ADSS2: variants seen among roughly 807,000 people sequenced by gnomAD.
The protein encoded by ADSS2 is adenylosuccinate synthetase isozyme 2.
A neutral mutation model predicts 60.0 loss-of-function variants in ADSS2; 30 were observed. The ratio of observed to expected loss-of-function variants is 0.50; its 90% confidence interval spans 0.37 to 0.68. The LOEUF is 0.68. Among genes scored for constraint, ADSS2 ranks in the 30% least tolerant of loss-of-function variants. The pLI is 0.00. For missense variants in ADSS2, 373 were observed against 554.8 expected (o/e 0.67, Z 3.29); for synonymous variants, 187 against 193.1 (o/e 0.97, Z 0.26).
At chr1:244,422,392 T>C (rs1664698580) in intron 7 of ADSS2, among the ~76,000 whole-genome samples, 2 of 152,234 alleles carry the variant, frequency 1.3e-5, no homozygotes. Context: ...ATTTGTCTCT[T>C]AAGAGTGCAG....
At chr1:244,425,343 T>G (rs1042418197) in intron 4 of ADSS2, among the ~76,000 whole-genome samples, 9 of 152,200 alleles carry the variant, frequency 5.9e-5, no homozygotes, top group Non-Finnish European at 1.0e-4. Context: ...GATGTACAAT[T>G]TACTGATTTT....
chr1:244,450,214 G>A (rs1665503340), intron 1 of ADSS2, among the ~76,000 whole-genome samples: 1 of 152,224 alleles, frequency 6.6e-6, no homozygotes, highest in African/African-American at 2.4e-5. Flanking sequence ...GATTTCTGGA[G>A]TATTTCCTAA....
chr1:244,425,492 A>G (rs530607763), intron 4 of ADSS2, among the ~76,000 whole-genome samples: 68 of 152,342 alleles, frequency 4.5e-4, no homozygotes, highest in African/African-American at 1.5e-3. Flanking sequence ...AGAACTATTT[A>G]GAACTATTAG....
chr1:244,414,566 C>T (rs1664488087), intron 11 of ADSS2, among the ~76,000 whole-genome samples: 1 of 152,222 alleles, frequency 6.6e-6, no homozygotes, highest in African/African-American at 2.4e-5. Flanking sequence ...ACTTTTGCTT[C>T]TACTTTCCTG....
At chr1:244,435,168 C>CAAAAAAAAAAAAAAAAAAAA (rs60576167) in intron 3 of ADSS2, among the ~76,000 whole-genome samples, 12 of 51,750 alleles carry the variant, frequency 2.3e-4, no homozygotes, top group African/African-American at 9.2e-4. Context: ...ACTCCGTCTC[C>CAAAAAAAAAAAAAAAAAAAA]AAAAAAAAAA....
chr1:244,427,878 T>C (rs1034345402), intron 4 of ADSS2, among the ~76,000 whole-genome samples: 1 of 152,176 alleles, frequency 6.6e-6, no homozygotes, highest in Non-Finnish European at 1.5e-5. Flanking sequence ...CTATGGTTGT[T>C]AATACCAAAG....
chr1:244,432,530 A>G lies in ADSS2; in HGVS notation c.406+15T>C. On this transcript the variant is annotated intron_variant, in intron 4 of 12. Coordinates refer to ENST00000366535, the MANE Select transcript of ADSS2 (RefSeq NM_001126.5). The stretch of plus-strand genomic sequence containing the variant: ...AAAAAGATAGTTACAAATAAATGCA[A>G]TATATCCACCTTACCAATATGAGCT... 6.6e-7 allele frequency: 1 copy of G among 1,525,386 alleles called. No homozygotes were observed. The highest frequency in any genetic ancestry group is 8.9e-7 in the Non-Finnish European group (1 of 1,126,268). The allele number at this position is 1,525,386 out of a possible 1,614,324, so 94.5% of individuals were successfully genotyped here.
At chr1:244,419,177 G>A (rs138103721) in intron 8 of ADSS2, 71 of 295,498 alleles carry the variant, frequency 2.4e-4, no homozygotes, top group African/African-American at 1.5e-3. Flanking sequence ...GCTCTTTATA[G>A]CAGCTACTCA....
At chr1:244,444,000 C>T (rs1665317733) in intron 1 of ADSS2, among the ~76,000 whole-genome samples, 2 of 152,134 alleles carry the variant, frequency 1.3e-5, no homozygotes, top group Non-Finnish European at 2.9e-5. Context: ...AAACAAAAAA[C>T]AGCATGAGTC....
chr1:244,439,780 A>G (rs1164095477), intron 1 of ADSS2, among the ~76,000 whole-genome samples: 1 of 152,092 alleles, frequency 6.6e-6, no homozygotes, highest in Non-Finnish European at 1.5e-5. Context: ...AGGACCCCAG[A>G]GCACTTTAGC....
At chr1:244,448,783 C>T (rs572971388) in intron 1 of ADSS2, among the ~76,000 whole-genome samples, 1 of 152,230 alleles carries the variant, frequency 6.6e-6, no homozygotes, top group South Asian at 2.1e-4. Context: ...TCTTGAGAAA[C>T]GTATTAGACT....
intron 4 of ADSS2, among the ~76,000 whole-genome samples, chr1:244,430,104 T>C (rs1664903177): frequency 6.6e-6 from 1 of 151,920 alleles, no homozygotes; most frequent in Non-Finnish European, 1.5e-5. Flanking sequence ...CATACACTTA[T>C]GGGAAAAAAT....
chr1:244,416,938 C>T (rs1389354102), intron 10 of ADSS2, among the ~76,000 whole-genome samples: 1 of 152,108 alleles, frequency 6.6e-6, no homozygotes, highest in Non-Finnish European at 1.5e-5. Flanking sequence ...AGATAACAAA[C>T]TAAATTTGGG....
intron 7 of ADSS2, 133 bp from the exon 8 acceptor site, chr1:244,420,429 C>T (rs1664648484): frequency 1.4e-6 from 1 of 706,806 alleles, no homozygotes; most frequent in African/African-American, 1.8e-5. Context: ...GGTGACGGTG[C>T]TCACTCTATT....
At chr1:244,423,758 T>C (rs1664727637) in intron 6 of ADSS2, among the ~76,000 whole-genome samples, 195 bp downstream of exon 6, 1 of 152,206 alleles carries the variant, frequency 6.6e-6, no homozygotes, top group African/African-American at 2.4e-5. Context: ...ATCACCGTCA[T>C]GTTATATTTC....
intron 3 of ADSS2, among the ~76,000 whole-genome samples, chr1:244,434,479 TG>T: frequency 6.6e-6 from 1 of 152,368 alleles, no homozygotes; most frequent in Middle Eastern, 3.4e-3. Context: ...ATGAAAAATT[TG>T]TTTTTCCCTG....
At chr1:244,431,168 A>G (rs969327571) in intron 4 of ADSS2, among the ~76,000 whole-genome samples, 2 of 152,208 alleles carry the variant, frequency 1.3e-5, no homozygotes, top group African/African-American at 4.8e-5. Context: ...ATTATAGCAC[A>G]ATAGTGATAT....
chr1:244,447,457 T>C (rs1274368579), intron 1 of ADSS2, among the ~76,000 whole-genome samples: 1 of 152,126 alleles, frequency 6.6e-6, no homozygotes, highest in Non-Finnish European at 1.5e-5. Context: ...GCCTCAAAAG[T>C]AGAGCTGACA....
chr1:244,410,501 A>T (rs1398048678), intron 12 of ADSS2, among the ~76,000 whole-genome samples: 1 of 67,092 alleles, frequency 1.5e-5, no homozygotes, highest in Non-Finnish European at 2.9e-5. Context: ...TATTTTTAAA[A>T]ATTTTTTCTT....
Sources: gnomAD v4.1 joint callset for allele counts (sites outside exome capture counted in the v4.1 genomes callset) on GRCh38, gnomAD v4.1.1 for gene constraint, MANE v1.5 for transcripts, NCBI Gene and HGNC (gene_info 2026-07-23, HGNC 2026-07-21) for gene names.